The following NR3C2 variants were observed in gnomAD, a reference collection of about 807,000 sequenced individuals.
The protein encoded by NR3C2 is mineralocorticoid receptor.
NR3C2 carries 15 observed loss-of-function variants against 86.4 expected under a neutral mutation model. The observed-to-expected ratio is 0.17, with a 90% CI of 0.12 to 0.27. The LOEUF is 0.27. Among genes scored for constraint, NR3C2 ranks in the 10% least tolerant of loss-of-function variants. The probability of loss-of-function intolerance (pLI) is 1.00; values close to 1 mark genes in which losing one functional copy is unlikely to be tolerated. For synonymous variants in NR3C2, 458 were observed against 450.5 expected (o/e 1.02, Z -0.21); for missense variants, 960 against 1,195.6 (o/e 0.80, Z 2.91).
At chr4:148,177,173 A>C (rs929433593) in intron 4 of NR3C2, among the ~76,000 whole-genome samples, 3 of 152,214 alleles carry the variant, frequency 2.0e-5, no homozygotes, top group African/African-American at 7.2e-5. Context: ...CTCCATCTTT[A>C]TTGCAATTTA....
At chr4:148,312,636 A>G (rs995336037) in intron 2 of NR3C2, among the ~76,000 whole-genome samples, 2 of 152,204 alleles carry the variant, frequency 1.3e-5, no homozygotes, top group African/African-American at 4.8e-5. Context: ...GAAAGTACAA[A>G]ACTATATCTC....
chr4:148,084,842 A>C (rs972808624), intron 8 of NR3C2, among the ~76,000 whole-genome samples: 1 of 152,204 alleles, frequency 6.6e-6, no homozygotes, highest in Non-Finnish European at 1.5e-5. Flanking sequence ...ATGGAAAGCA[A>C]AAATAGCAGG....
In NR3C2 at chr4:148,089,646, G is replaced by T. The variant is rs184236578; in HGVS notation, c.2800-8147C>A. Among the ~76,000 whole-genome samples, 250 of 152,266 alleles carry T rather than the reference G, an allele frequency of 1.6e-3. 2 individuals are homozygous for T. The highest frequency in any genetic ancestry group is 4.7e-3 in the African/African-American group (197 of 41,564). On this transcript the variant is annotated intron_variant, in intron 8 of 8. Transcript: ENST00000358102. ...GTCCCCCTTCTATAAAATGAGGGAT[G>T]GGAGAACCTTTTTTTTTGCCTTTTC... is the stretch of plus-strand genomic sequence containing the variant.
intron 2 of NR3C2, among the ~76,000 whole-genome samples, chr4:148,261,132 C>T (rs1455154446): frequency 6.6e-6 from 1 of 152,158 alleles, no homozygotes; most frequent in Non-Finnish European, 1.5e-5. Context: ...GATCTAGTAG[C>T]AACACTTCAT....
chr4:148,084,374 T>G (rs1377646368), intron 8 of NR3C2, among the ~76,000 whole-genome samples: 8 of 152,054 alleles, frequency 5.3e-5, no homozygotes, highest in Non-Finnish European at 1.5e-5. Context: ...TTCAACATTC[T>G]TAAAAGAATT....
At chr4:148,317,340 A>G (rs1261317793) in intron 2 of NR3C2, among the ~76,000 whole-genome samples, 1 of 150,896 alleles carries the variant, frequency 6.6e-6, no homozygotes. Flanking sequence ...GGGCAACAAG[A>G]GCAAAACTCT....
intron 2 of NR3C2, among the ~76,000 whole-genome samples, chr4:148,375,775 T>C (rs1440796953): frequency 6.6e-6 from 1 of 152,162 alleles, no homozygotes; most frequent in Non-Finnish European, 1.5e-5. Context: ...CACCCTTCCC[T>C]GTGCCTCTTT....
chr4:148,157,551 G>A (rs1445049608), intron 4 of NR3C2, among the ~76,000 whole-genome samples: 1 of 152,068 alleles, frequency 6.6e-6, no homozygotes. Flanking sequence ...TGGAGGTAGT[G>A]GGGGAGGTGG....
At chr4:148,316,696 T>G (rs1405058767) in intron 2 of NR3C2, among the ~76,000 whole-genome samples, 3 of 152,202 alleles carry the variant, frequency 2.0e-5, no homozygotes, top group African/African-American at 7.2e-5. Context: ...ATACTATATA[T>G]TTATACTTCT....
intron 2 of NR3C2, among the ~76,000 whole-genome samples, chr4:148,346,295 T>C (rs1744988094): frequency 6.6e-6 from 1 of 152,086 alleles, no homozygotes; most frequent in Non-Finnish European, 1.5e-5. Flanking sequence ...GCTATCAACA[T>C]AGCCCAGATA....
In NR3C2 at chr4:148,080,090, C is replaced by T. The variant is rs371230099; in HGVS notation, c.*1254G>A. ...TTCTGCTTCTAGAGGAAAAGGGAAA[C>T]GAGGCAGCTTTCCCAAAGCTGCAGC... On this transcript the variant is annotated 3_prime_UTR_variant, in exon 9 of 9. Coordinates refer to ENST00000358102, the MANE Select transcript of NR3C2 (RefSeq NM_000901.5). The T allele has an allele frequency of 9.2e-5, 14 of 152,286 alleles. No individual in the cohort carries two copies. Among genetic ancestry groups the T allele is most frequent in the African/African-American group, 2.4e-4 (10 of 41,560 alleles). The allele number at this position is 152,286 out of a possible 1,614,324, so 9.4% of individuals were successfully genotyped here.
At chr4:148,419,730 T>C (rs1180004032) in intron 2 of NR3C2, among the ~76,000 whole-genome samples, 1 of 152,240 alleles carries the variant, frequency 6.6e-6, no homozygotes, top group Non-Finnish European at 1.5e-5. Flanking sequence ...TCTGTAAATG[T>C]ACTTTGTAAA....
intron 8 of NR3C2, among the ~76,000 whole-genome samples, chr4:148,086,238 G>A (rs1355581129): frequency 3.9e-5 from 6 of 152,090 alleles, no homozygotes; most frequent in Non-Finnish European, 7.4e-5. Flanking sequence ...AATAAAATAC[G>A]GGCAAACTGA....
At chr4:148,301,492 G>A (rs573235997) in intron 2 of NR3C2, among the ~76,000 whole-genome samples, 365 of 152,292 alleles carry the variant, frequency 2.4e-3, no homozygotes, top group Non-Finnish European at 3.6e-3. Flanking sequence ...TCTTGCAAAA[G>A]AAATTCCATG....
intron 4 of NR3C2, among the ~76,000 whole-genome samples, chr4:148,176,631 T>C (rs1329282532): frequency 6.6e-6 from 1 of 152,246 alleles, no homozygotes. Flanking sequence ...TTTGAGTCTC[T>C]TTGCTAAATT....
At chr4:148,147,689 C>T (rs986911154) in intron 6 of NR3C2, among the ~76,000 whole-genome samples, 1 of 152,222 alleles carries the variant, frequency 6.6e-6, no homozygotes, top group African/African-American at 2.4e-5. Flanking sequence ...CGTCAGTGCA[C>T]TCTGCCCTCA....
At chr4:148,400,424 TAA>T (rs1218454012) in intron 2 of NR3C2, among the ~76,000 whole-genome samples, 1 of 152,156 alleles carries the variant, frequency 6.6e-6, no homozygotes, top group Non-Finnish European at 1.5e-5. Context: ...TCCCAATCCA[TAA>T]GAGAGTAAGA....
chr4:148,439,540 C>T (rs769588078), intron 1 of NR3C2, among the ~76,000 whole-genome samples: 1 of 152,160 alleles, frequency 6.6e-6, no homozygotes, highest in Admixed American at 6.5e-5. Flanking sequence ...TGGTCATAGT[C>T]AAGAGGGCTC....
chr4:148,149,110 C>T (rs1482252875), intron 6 of NR3C2, among the ~76,000 whole-genome samples: 1 of 152,146 alleles, frequency 6.6e-6, no homozygotes, highest in Non-Finnish European at 1.5e-5. Flanking sequence ...ACCCTAGCCC[C>T]TTGAAAAACA....
Sources: gnomAD v4.1 joint callset for allele counts (sites outside exome capture counted in the v4.1 genomes callset) on GRCh38, gnomAD v4.1.1 for gene constraint, MANE v1.5 for transcripts, NCBI Gene and HGNC (gene_info 2026-07-23, HGNC 2026-07-21) for gene names.